The following SUPT3H variants were observed in gnomAD, a reference collection of about 807,000 sequenced individuals.
SUPT3H encodes SPT3 homolog, SAGA and STAGA complex component, also known as transcription initiation protein SPT3 homolog.
Under a neutral mutation model 44.3 loss-of-function variants are expected in SUPT3H, and 44 were observed. The observed-to-expected ratio is 0.99, with a 90% CI of 0.78 to 1.28. The LOEUF is 1.28. Among genes scored for constraint, SUPT3H ranks in the 50% most tolerant of loss-of-function variants. The probability of loss-of-function intolerance (pLI) is 0.00; values close to 1 mark genes in which losing one functional copy is unlikely to be tolerated. For synonymous variants in SUPT3H, 124 were observed against 125.6 expected (o/e 0.99, Z 0.09); for missense variants, 380 against 387.1 (o/e 0.98, Z 0.15).
In SUPT3H at chr6:45,150,288, T is replaced by C. The variant is rs568843050; in HGVS notation, c.102-44282A>G. Among the ~76,000 whole-genome samples, 24 of 152,276 alleles carry C rather than the reference T, an allele frequency of 1.6e-4. No individual in the cohort carries two copies. In the South Asian group the frequency reaches 4.1e-3, roughly 26 times the overall value. ...TAGCATTCAGATATAGCTTAACATA[T>C]GGGTCCCTAAAAATATTACTTGGGA... is the stretch of plus-strand genomic sequence containing the variant. On this transcript the variant is annotated intron_variant, in intron 2 of 10. Coordinates refer to ENST00000371459, the MANE Select transcript of SUPT3H (RefSeq NM_003599.4).
At chr6:45,033,977 G>C (rs750108162) in intron 3 of SUPT3H, among the ~76,000 whole-genome samples, 9 of 152,142 alleles carry the variant, frequency 5.9e-5, no homozygotes, top group Non-Finnish European at 1.3e-4. Context: ...TGACCCCAAT[G>C]GAAGTATTAA....
chr6:45,105,485 A>G (rs1799145420), intron 3 of SUPT3H, among the ~76,000 whole-genome samples: 1 of 152,190 alleles, frequency 6.6e-6, no homozygotes, highest in Non-Finnish European at 1.5e-5. Flanking sequence ...TACTCAGTGC[A>G]TATAAAAGCT....
chr6:45,003,812 A>T lies in SUPT3H; in HGVS notation c.365-20T>A. On this transcript the variant is annotated intron_variant, in intron 5 of 10. Coordinates refer to ENST00000371459, the MANE Select transcript of SUPT3H (RefSeq NM_003599.4). The stretch of plus-strand genomic sequence containing the variant: ...ATTTGTCTTCATGAAGTCAAGGGAA[A>T]GAAAAAAAGAAATGTTCTCAATAGG... 1 of 1,612,588 alleles carries T rather than the reference A, an allele frequency of 6.2e-7. No homozygotes were observed. Among genetic ancestry groups the T allele is most frequent in the Non-Finnish European group, 8.5e-7 (1 of 1,179,480 alleles).
At chr6:44,982,641 T>C (rs999058646) in intron 6 of SUPT3H, among the ~76,000 whole-genome samples, 7 of 151,934 alleles carry the variant, frequency 4.6e-5, no homozygotes, top group Admixed American at 1.3e-4. Context: ...GATACAGCTA[T>C]GTACTCTCCT....
chr6:45,296,861 C>G (rs146817116), intron 2 of SUPT3H, among the ~76,000 whole-genome samples: 75 of 151,024 alleles, frequency 5.0e-4, no homozygotes, highest in African/African-American at 1.8e-3. Flanking sequence ...CAAACACCAC[C>G]TGTGCCCCGT....
intron 7 of SUPT3H, chr6:44,955,221 A>C (rs1774922652): frequency 6.5e-6 from 1 of 152,954 alleles, no homozygotes; most frequent in Admixed American, 6.5e-5. Context: ...CAAGAGCCAC[A>C]GACCCCTTGA....
At position 44,953,910 on chromosome 6, in the gene SUPT3H, G is replaced by A. The variant is rs568109356; in HGVS notation, c.694-493C>T. Among the ~76,000 whole-genome samples, 306 of 151,878 alleles carry A rather than the reference G, an allele frequency of 2.0e-3. 1 individual carries two copies. The highest frequency in any genetic ancestry group is 3.8e-3 in the Non-Finnish European group (256 of 67,906). ...ACCATGCCCGGCTAACTTTTTTTTG[G>A]TATTATTAGTAGAGATGTGGTTTCA... On this transcript the variant is annotated intron_variant, in intron 8 of 10. Transcript: ENST00000371459.
chr6:45,337,744 T>C (rs1331867807), intron 2 of SUPT3H, among the ~76,000 whole-genome samples: 1 of 151,922 alleles, frequency 6.6e-6, no homozygotes, highest in East Asian at 1.9e-4. Flanking sequence ...AAAACAAATC[T>C]AAGACGCCCC....
intron 2 of SUPT3H, among the ~76,000 whole-genome samples, chr6:45,121,825 G>GCCA (rs1801720825): frequency 6.6e-6 from 1 of 151,792 alleles, no homozygotes; most frequent in Admixed American, 6.6e-5. Context: ...ACAGGCACCC[G>GCCA]CCACCACGCC....
intron 3 of SUPT3H, among the ~76,000 whole-genome samples, chr6:45,026,404 TG>T (rs1471845361): frequency 1.4e-5 from 2 of 138,606 alleles, no homozygotes; most frequent in Non-Finnish European, 3.1e-5. Context: ...TTATTTGAAA[TG>T]GGTAATCAAT....
At chr6:45,039,789 A>AAAG (rs1788239510) in intron 3 of SUPT3H, among the ~76,000 whole-genome samples, 2 of 151,862 alleles carry the variant, frequency 1.3e-5, no homozygotes, top group South Asian at 4.2e-4. Context: ...TGTCTCAAAA[A>AAAG]AAGAAAAAAA....
At chr6:44,816,849 A>C (rs1766942211) in intron 11 of SUPT3H, among the ~76,000 whole-genome samples, 1 of 152,166 alleles carries the variant, frequency 6.6e-6, no homozygotes, top group African/African-American at 2.4e-5. Context: ...AGGCCAGGAG[A>C]TCGAGACCAG....
At chr6:45,295,342 AAGATGGATT>A (rs1454269430) in intron 2 of SUPT3H, among the ~76,000 whole-genome samples, 2 of 152,080 alleles carry the variant, frequency 1.3e-5, no homozygotes, top group Non-Finnish European at 2.9e-5. Context: ...AAATCAACTC[AAGATGGATT>A]AAGGACTTAA....
At chr6:45,194,307 GA>G (rs1023051816) in intron 2 of SUPT3H, among the ~76,000 whole-genome samples, 2 of 151,016 alleles carry the variant, frequency 1.3e-5, no homozygotes, top group East Asian at 1.9e-4. Context: ...TGGTTGAGAA[GA>G]AAAAAAAATC....
At chr6:45,127,358 C>G (rs1802600653) in intron 2 of SUPT3H, among the ~76,000 whole-genome samples, 1 of 152,044 alleles carries the variant, frequency 6.6e-6, no homozygotes, top group African/African-American at 2.4e-5. Context: ...GAACACTGTC[C>G]TCATACACTG....
chr6:45,259,685 G>A (rs1009141354), intron 2 of SUPT3H, among the ~76,000 whole-genome samples: 8 of 152,064 alleles, frequency 5.3e-5, no homozygotes, highest in African/African-American at 1.9e-4. Context: ...TTAGTGCATA[G>A]GAACCACCTC....
intron 2 of SUPT3H, among the ~76,000 whole-genome samples, chr6:45,121,590 A>G (rs1801674516): frequency 6.6e-6 from 1 of 152,070 alleles, no homozygotes; most frequent in Non-Finnish European, 1.5e-5. Context: ...AACATTTTAA[A>G]TTAACCTGTT....
chr6:45,058,649 C>G (rs1228608268), intron 3 of SUPT3H, among the ~76,000 whole-genome samples: 3 of 152,080 alleles, frequency 2.0e-5, no homozygotes, highest in Non-Finnish European at 4.4e-5. Context: ...AAGGAGCGTT[C>G]AGCTATTGTT....
chr6:45,212,534 T>C (rs1396445650), intron 2 of SUPT3H, among the ~76,000 whole-genome samples: 1 of 102,832 alleles, frequency 9.7e-6, no homozygotes, highest in Admixed American at 1.0e-4. Context: ...TGTGTGTGTG[T>C]GTGTGTGTGT....
Sources: allele counts gnomAD v4.1 joint callset (sites outside exome capture counted in the v4.1 genomes callset), GRCh38; gene constraint gnomAD v4.1.1; transcripts MANE v1.5; gene names NCBI Gene and HGNC (gene_info 2026-07-23, HGNC 2026-07-21).